The following KLHL24 variants were observed in gnomAD, a reference collection of about 807,000 sequenced individuals.
KLHL24 encodes kelch-like protein 24.
A neutral mutation model predicts 53.4 loss-of-function variants in KLHL24; 29 were observed. The observed-to-expected ratio is 0.54, with a 90% CI of 0.40 to 0.74. KLHL24 has a LOEUF of 0.74. Ranked by LOEUF, KLHL24 falls within the 30% of genes least tolerant of loss-of-function variation. The probability of loss-of-function intolerance (pLI) is 0.00; values close to 1 mark genes in which losing one functional copy is unlikely to be tolerated. For missense variants in KLHL24, 504 were observed against 744.0 expected (o/e 0.68, Z 3.75); for synonymous variants, 222 against 253.7 (o/e 0.88, Z 1.19).
intron 3 of KLHL24, among the ~76,000 whole-genome samples, chr3:183,656,137 G>A (rs1718855826): frequency 6.8e-6 from 1 of 146,946 alleles, no homozygotes; most frequent in South Asian, 2.1e-4. Flanking sequence ...CCTAGGCTCA[G>A]GTGATTCTCC....
In KLHL24 at chr3:183,663,171, A is replaced by G. The variant is rs1300483126; in HGVS notation, c.921-287A>G. On this transcript the variant is annotated intron_variant, in intron 3 of 7. Coordinates refer to ENST00000242810, the MANE Select transcript of KLHL24 (RefSeq NM_017644.3). This position sits in a 1 kb window ranked among gnomAD's most constrained non-coding sequence, Gnocchi z 4.9. ...CATCCTTAATATTGCCAGGATTCTG[A>G]TTGGGTTAGATAGGATCTTTGGACT... 6.6e-6 allele frequency among the ~76,000 whole-genome samples: 1 copy of G among 152,120 alleles called. No homozygotes were observed. Among genetic ancestry groups the G allele is most frequent in the East Asian group, 1.9e-4 (1 of 5,192 alleles).
At chr3:183,676,642 G>C (rs138070957) in intron 7 of KLHL24, among the ~76,000 whole-genome samples, 1 of 151,854 alleles carries the variant, frequency 6.6e-6, no homozygotes, top group Non-Finnish European at 1.5e-5. Flanking sequence ...CCATTTCCAC[G>C]CCTCTTCTGA....
intron 7 of KLHL24, among the ~76,000 whole-genome samples, chr3:183,676,494 TG>T (rs1461984201): frequency 1.3e-5 from 2 of 152,342 alleles, no homozygotes; most frequent in Admixed American, 1.3e-4. Flanking sequence ...CTAATTTCAT[TG>T]TATACAGTTA....
chr3:183,663,001 G>C lies in KLHL24; in HGVS notation c.921-457G>C, dbSNP rs1233875838. ...AGTACATATACATATTCCTTTAAAG[G>C]GTGCTTGGATTATACTATGAATTAG... On this transcript the variant is annotated intron_variant, in intron 3 of 7. Coordinates refer to ENST00000242810, the MANE Select transcript of KLHL24 (RefSeq NM_017644.3). The surrounding 1 kb of genome is among the most constrained non-coding windows in gnomAD (Gnocchi z 4.9). 2.0e-5 allele frequency among the ~76,000 whole-genome samples: 3 copies of C among 151,914 alleles called. No individual in the cohort carries two copies. The highest frequency in any genetic ancestry group is 7.3e-5 in the African/African-American group (3 of 41,340).
At position 183,663,652 on chromosome 3, in the gene KLHL24, G is replaced by T. The variant is rs565684345; in HGVS notation, c.1105+10G>T. ...GACATTCTTGTTTCAGGTAAATATA[G>T]AATTATTACAGTAGCTACTTTTAAT... On this transcript the variant is annotated intron_variant, in intron 4 of 7. Coordinates refer to ENST00000242810, the MANE Select transcript of KLHL24 (RefSeq NM_017644.3). This position sits in a 1 kb window ranked among gnomAD's most constrained non-coding sequence, Gnocchi z 4.9. The T allele has an allele frequency of 2.0e-4, 292 of 1,477,344 alleles. 3 individuals carry two copies. The South Asian group carries it at 3.8e-3, about 19-fold the overall frequency. 91.5% of individuals were successfully genotyped at this position (1,477,344 alleles called of 1,614,324 possible).
At chr3:183,642,407 TA>T (rs924196126) in intron 1 of KLHL24, among the ~76,000 whole-genome samples, 10 of 151,658 alleles carry the variant, frequency 6.6e-5, no homozygotes, top group African/African-American at 2.2e-4. Context: ...TGTATACATT[TA>T]AAAAAAAGGT....
At chr3:183,652,619 T>G (rs1718278230) in intron 3 of KLHL24, among the ~76,000 whole-genome samples, 3 of 152,198 alleles carry the variant, frequency 2.0e-5, no homozygotes, top group African/African-American at 7.2e-5. Context: ...GCATAGCTCA[T>G]AAACCACATT....
At chr3:183,675,534 A>G (rs1576985965) in intron 7 of KLHL24, among the ~76,000 whole-genome samples, 2 of 152,170 alleles carry the variant, frequency 1.3e-5, no homozygotes, top group African/African-American at 4.8e-5. Context: ...GAGAATCCTC[A>G]TGTGGTCAAG....
At chr3:183,637,206 C>T (rs1215684344) in intron 1 of KLHL24, among the ~76,000 whole-genome samples, 1 of 152,182 alleles carries the variant, frequency 6.6e-6, no homozygotes, top group Non-Finnish European at 1.5e-5. Context: ...TTTGTATTTG[C>T]AGCTACAGAC....
At position 183,682,140 on chromosome 3, in the gene KLHL24, T is replaced by G. The variant is rs1187453860; in HGVS notation, c.*2854T>G. The G allele has an allele frequency of 2.0e-5, 3 of 152,140 alleles. No homozygotes were observed. Among genetic ancestry groups the G allele is most frequent in the African/African-American group, 7.2e-5 (3 of 41,450 alleles). 9.4% of individuals were successfully genotyped at this position (152,140 alleles called of 1,614,324 possible). A position where few individuals can be genotyped will look rare whatever the true frequency, so the allele number is the denominator to read the frequency against. ...TGTATAATCAGAATCTTTATGACAA[T>G]TTAGTTTTACAAGGTCAGAAGAGAT... is the stretch of plus-strand genomic sequence containing the variant. On this transcript the variant is annotated 3_prime_UTR_variant, in exon 8 of 8. Transcript: ENST00000242810.
At chr3:183,638,649 C>A (rs917040382) in intron 1 of KLHL24, among the ~76,000 whole-genome samples, 2 of 152,164 alleles carry the variant, frequency 1.3e-5, no homozygotes, top group African/African-American at 4.8e-5. Flanking sequence ...TATTGTTTCT[C>A]CTATTAAAAA....
At chr3:183,637,938 C>T (rs1715624421) in intron 1 of KLHL24, among the ~76,000 whole-genome samples, 2 of 152,184 alleles carry the variant, frequency 1.3e-5, no homozygotes, top group Admixed American at 1.3e-4. Flanking sequence ...GGATTGCAGG[C>T]GTGAGCCACC....
rs536962734 is a variant in KLHL24 at position 183,669,231 on chromosome 3, A to G, written c.1225-1803A>G. ...GCCAAGCATGGTGGCGGGCACCTGT[A>G]ATCCCAGCTACTCAGGAGGCTGAGG... is the stretch of plus-strand genomic sequence containing the variant. On this transcript the variant is annotated intron_variant, in intron 5 of 7. Coordinates refer to ENST00000242810, the MANE Select transcript of KLHL24 (RefSeq NM_017644.3). Among the ~76,000 whole-genome samples the G allele has an allele frequency of 3.9e-5, 6 of 152,276 alleles. No individual in the cohort carries two copies. The East Asian group carries it at 1.2e-3, about 29-fold the overall frequency.
intron 5 of KLHL24, among the ~76,000 whole-genome samples, chr3:183,668,510 A>C (rs566699918): frequency 4.6e-5 from 7 of 152,366 alleles, no homozygotes; most frequent in Admixed American, 3.9e-4. Context: ...AAATTTATAA[A>C]TACTCTGTTT....
intron 7 of KLHL24, among the ~76,000 whole-genome samples, chr3:183,677,937 AC>A (rs568512394): frequency 9.9e-5 from 15 of 151,734 alleles, no homozygotes; most frequent in Non-Finnish European, 2.2e-4. Context: ...GATTACAAGC[AC>A]CCCCCACCAC....
intron 5 of KLHL24, 80 bp downstream of exon 5, chr3:183,665,119 C>A: frequency 1.4e-6 from 1 of 739,366 alleles, no homozygotes; most frequent in African/African-American, 1.7e-5. Context: ...ATTTTACTCA[C>A]CCTCTGGGTA....
rs561553337 is a variant in KLHL24, at chr3:183,661,670, G to C, written c.921-1788G>C. Among the ~76,000 whole-genome samples, 131 of 152,186 alleles carry C rather than the reference G, an allele frequency of 8.6e-4. 1 individual carries two copies. The highest frequency in any genetic ancestry group is 3.1e-3 in the African/African-American group (128 of 41,534). ...GCTTCTCATGCTGTTTTCTCTTTCTGTTCCAAAGTACAAAAACAGATAACA... is the reference window on the plus strand; with the variant it reads ...GCTTCTCATGCTGTTTTCTCTTTCTCTTCCAAAGTACAAAAACAGATAACA... On this transcript the variant is annotated intron_variant, in intron 3 of 7. Coordinates refer to ENST00000242810, the MANE Select transcript of KLHL24 (RefSeq NM_017644.3).
At chr3:183,674,045 C>T (rs940489037) in intron 7 of KLHL24, among the ~76,000 whole-genome samples, 19 of 152,074 alleles carry the variant, frequency 1.2e-4, no homozygotes, top group Non-Finnish European at 2.4e-4. Flanking sequence ...TCCAATTAAC[C>T]TAGAAACTTA....
chr3:183,673,349 T>A (rs936120370), intron 7 of KLHL24, among the ~76,000 whole-genome samples: 5 of 152,168 alleles, frequency 3.3e-5, no homozygotes, highest in Non-Finnish European at 7.3e-5. Context: ...ACTTCCTTTT[T>A]ACCATCCCAT....
Sources: gnomAD v4.1 joint callset for allele counts (sites outside exome capture counted in the v4.1 genomes callset) on GRCh38, gnomAD v4.1.1 for gene constraint, Gnocchi (gnomAD v3.1) non-coding constraint, MANE v1.5 for transcripts, NCBI Gene and HGNC (gene_info 2026-07-23, HGNC 2026-07-21) for gene names.